MDN1: variants seen among roughly 807,000 people sequenced by gnomAD.
MDN1 encodes the protein midasin AAA ATPase 1.
A neutral mutation model predicts 669.2 loss-of-function variants in MDN1; 266 were observed. The ratio of observed to expected loss-of-function variants is 0.40; its 90% confidence interval spans 0.36 to 0.44. MDN1 has a LOEUF of 0.44. Ranked by LOEUF, MDN1 falls within the 20% of genes least tolerant of loss-of-function variation. The pLI is 1.00. For synonymous variants in MDN1, 2,385 were observed against 2,457.1 expected, an observed-to-expected ratio of 0.97 and a Z score of 0.87; for missense variants, 5,940 against 6,754.0, an observed-to-expected ratio of 0.88 and a Z score of 4.22.
chr6:89,650,050 T>A lies in MDN1; in HGVS notation c.16180A>T (p.Ser5394Cys). The A allele has an allele frequency of 6.2e-7, 1 of 1,614,166 alleles. No individual in the cohort carries two copies. The highest frequency in any genetic ancestry group is 8.5e-7 in the Non-Finnish European group (1 of 1,180,030). The change falls in exon 97 of 102, where the codon AGT becomes TGT. Residue 5394 changes from serine to cysteine, a missense_variant. Ser to Cys is a moderately radical substitution (Grantham distance 112). Coordinates refer to ENST00000369393, the MANE Select transcript of MDN1 (RefSeq NM_014611.3). ...QICLAIDDSS[S>C]MVDNHTKQLA... is the part of the protein sequence containing the mutation. ...TGCTTGGTATGATTGTCTACCATAC[T>A]AGAAGAGTCATCGATAGCCAAACAA... is the stretch of plus-strand genomic sequence containing the variant.
In MDN1 at chr6:89,654,298, T is replaced by A. The variant is rs774822730; in HGVS notation, c.15527A>T (p.Asp5176Val). The A allele has an allele frequency of 1.2e-6, 2 of 1,614,188 alleles. No individual in the cohort carries two copies. The highest frequency in any genetic ancestry group is 1.7e-6 in the Non-Finnish European group (2 of 1,180,030). The change falls in exon 93 of 102, where the codon GAC becomes GTC. Residue 5176 changes from aspartate (D) to valine (V), a missense_variant. Physicochemically the swap from Asp to Val is radical, Grantham distance 152. Transcript: ENST00000369393. ...CTCCTCTTCCTGATCTTTGCCAGAG[T>A]CTTTTGCAGACTGTTGCTGTTCTTT... Reference protein sequence around the residue: ...ASKEQQQSAKDSGKDQEEEEI... With the variant: ...ASKEQQQSAKVSGKDQEEEEI...
At chr6:89,664,422 G>A (rs1348870928) in intron 85 of MDN1, 65 bp downstream of exon 85, 3 of 1,581,762 alleles carry the variant, frequency 1.9e-6, no homozygotes, top group East Asian at 2.2e-5. Flanking sequence ...TTAGGAACAT[G>A]TAATTTCCTG....
At chr6:89,779,319 C>T (rs1354683789) in intron 11 of MDN1, among the ~76,000 whole-genome samples, 1 of 152,086 alleles carries the variant, frequency 6.6e-6, no homozygotes, top group East Asian at 1.9e-4. Flanking sequence ...GTTCTTATTC[C>T]ACCTTTACCG....
rs768013119 is a variant in MDN1 at position 89,729,073 on chromosome 6, G to A, written c.5207C>T (p.Ala1736Val). Reference sequence around the variant, plus strand: ...TTTGGTAGCTCTTAAGAGCCTCTGTGCATTCATAGCAGTGGTCCCTGCACT... The same window carrying A: ...TTTGGTAGCTCTTAAGAGCCTCTGTACATTCATAGCAGTGGTCCCTGCACT... ...ALSAGTTAMN[A>V]QRLLRATKLK... The change falls in exon 36 of 102, where the codon GCA (alanine) becomes GTA (valine). Residue 1736 changes from alanine (A) to valine (V), a missense_variant. Physicochemically the swap from Ala to Val is moderately conservative, Grantham distance 64 (BLOSUM62 0). This residue lies in a region of MDN1 where 2,292 missense variants were observed against 2,638.3 expected (regional missense o/e 0.87). Transcript: ENST00000369393. The A allele has an allele frequency of 1.2e-6, 2 of 1,614,042 alleles. No homozygotes were observed.
Position 89,707,539 on chromosome 6 carries a change from C to T in MDN1, c.7899-63G>A. Reference sequence around the variant, plus strand: ...GGTTAATAACATTTTCAATCATATCCTCTATTTGCTGGAACACTTGGAACA... The same window carrying T: ...GGTTAATAACATTTTCAATCATATCTTCTATTTGCTGGAACACTTGGAACA... On this transcript the variant is annotated intron_variant, in intron 51 of 101. Transcript: ENST00000369393. 2.9e-6 allele frequency: 3 copies of T among 1,045,690 alleles called. No homozygotes were observed. In the South Asian group the frequency reaches 3.8e-5, roughly 13 times the overall value. The allele number at this position is 1,045,690 out of a possible 1,614,324, so 64.8% of individuals were successfully genotyped here.
intron 29 of MDN1, 150 bp from the exon 30 acceptor site, chr6:89,743,864 A>G: frequency 1.3e-6 from 1 of 779,940 alleles, no homozygotes. Flanking sequence ...CCCCAGGCTC[A>G]TGGCACCCCT....
chr6:89,643,110 A>AAAT lies in MDN1; in HGVS notation c.*892_*894dup, dbSNP rs1267822427. The AAAT allele has an allele frequency of 8.5e-5, 13 of 152,244 alleles. 1 individual carries two copies. The highest frequency in any genetic ancestry group is 3.1e-4 in the African/African-American group (13 of 41,460). The allele number at this position is 152,244 out of a possible 1,614,324, so 9.4% of individuals were successfully genotyped here. ...AAGATCAGTTTCTTTCGACTGGAAA[A>AAAT]AATAGATGGAGCTGCTGAGTTCTGG... On this transcript the variant is annotated 3_prime_UTR_variant, in exon 102 of 102. Coordinates refer to ENST00000369393, the MANE Select transcript of MDN1 (RefSeq NM_014611.3).
intron 38 of MDN1, among the ~76,000 whole-genome samples, chr6:89,724,786 C>A (rs1815100835): frequency 6.6e-6 from 1 of 152,146 alleles, no homozygotes; most frequent in East Asian, 1.9e-4. Context: ...TAATGACTGA[C>A]TGGGGAATAG....
rs1167971673 is a variant in MDN1 at position 89,700,639 on chromosome 6, A to G, written c.8638+7T>C. 2 of 1,613,416 alleles carry G rather than the reference A, an allele frequency of 1.2e-6. No homozygotes were observed. The highest frequency in any genetic ancestry group is 1.7e-6 in the Non-Finnish European group (2 of 1,179,370). On this transcript the variant is annotated splice_region_variant and intron_variant, in intron 56 of 101. Coordinates refer to ENST00000369393, the MANE Select transcript of MDN1 (RefSeq NM_014611.3). ...CTGTCAGCTAGCCAAGTGCTAGAAT[A>G]TTTTACCTAGGCTGACATCTTCCAA...
rs1445303594 is a variant in MDN1 at position 89,675,449 on chromosome 6, C to T, written c.12761+15G>A. 4 of 1,605,012 alleles carry T rather than the reference C, an allele frequency of 2.5e-6. No individual in the cohort carries two copies. The South Asian group carries it at 3.3e-5, about 13-fold the overall frequency. The stretch of plus-strand genomic sequence containing the variant: ...TTCCCAATTCATGCCACAAGCCCAA[C>T]TCATCAGCTGATACCTGAGGATGAT... On this transcript the variant is annotated intron_variant, in intron 78 of 101. Coordinates refer to ENST00000369393, the MANE Select transcript of MDN1 (RefSeq NM_014611.3).
intron 2 of MDN1, among the ~76,000 whole-genome samples, chr6:89,801,276 C>A (rs1057299492): frequency 6.6e-6 from 1 of 152,188 alleles, no homozygotes; most frequent in African/African-American, 2.4e-5. Context: ...GTAATCCCAG[C>A]ACTTTGGGAG....
At chr6:89,811,991 T>TA (rs1768448540) in intron 1 of MDN1, among the ~76,000 whole-genome samples, 1 of 149,038 alleles carries the variant, frequency 6.7e-6, no homozygotes, top group African/African-American at 2.5e-5. Flanking sequence ...AGAAAAAACT[T>TA]TTTTTTTTTT....
chr6:89,758,234 C>G, intron 19 of MDN1, 21 bp downstream of exon 19: 2 of 1,580,462 alleles, frequency 1.3e-6, no homozygotes, highest in Non-Finnish European at 1.7e-6. Flanking sequence ...AAAGGAAAGT[C>G]TCCAAGAACC....
chr6:89,686,322 G>A (rs1458807299), intron 69 of MDN1, among the ~76,000 whole-genome samples: 1 of 152,168 alleles, frequency 6.6e-6, no homozygotes, highest in African/African-American at 2.4e-5. Flanking sequence ...CTACTGAGAA[G>A]GCTGAAGTAG....
At chr6:89,654,387 AAAT>A (rs1002948945) in intron 92 of MDN1, 53 bp from the exon 93 acceptor site, 35 of 1,597,472 alleles carry the variant, frequency 2.2e-5, no homozygotes, top group East Asian at 1.1e-4. Context: ...TTGCAGAACA[AAAT>A]AATAATAAGT....
chr6:89,819,650 T>C lies in MDN1; in HGVS notation c.-43A>G. 1 of 1,554,762 alleles carries C rather than the reference T, an allele frequency of 6.4e-7. No homozygotes were observed. The highest frequency in any genetic ancestry group is 8.8e-7 in the Non-Finnish European group (1 of 1,140,194). On this transcript the variant is annotated 5_prime_UTR_variant, in exon 1 of 102. Transcript: ENST00000369393. The stretch of plus-strand genomic sequence containing the variant: ...CCGAGCGGCCACCTGCGCTCCCTAC[T>C]TCGCGGCCAGCGTCCCCAAGCCGCC...
chr6:89,688,495 C>G, intron 66 of MDN1, 78 bp downstream of exon 66: 2 of 1,335,210 alleles, frequency 1.5e-6, no homozygotes, highest in Non-Finnish European at 2.1e-6. Flanking sequence ...AAGTGGGTGC[C>G]CCCAGGGATA....
chr6:89,663,814 C>T (rs1016657541), intron 85 of MDN1, among the ~76,000 whole-genome samples: 10 of 151,340 alleles, frequency 6.6e-5, no homozygotes, highest in South Asian at 6.3e-4. Flanking sequence ...TGGTGGCAGG[C>T]GCCTGTAGTC....
At chr6:89,740,680 T>G (rs1375353733) in intron 31 of MDN1, among the ~76,000 whole-genome samples, 1 of 152,168 alleles carries the variant, frequency 6.6e-6, no homozygotes, top group Non-Finnish European at 1.5e-5. Flanking sequence ...AGCCAACTAC[T>G]AGAAAGAACT....
Sources: gnomAD v4.1 joint callset for allele counts (sites outside exome capture counted in the v4.1 genomes callset) on GRCh38, gnomAD v4.1.1 for gene constraint, gnomAD v4.1.1 regional missense constraint, MANE v1.5 for transcripts, NCBI Gene and HGNC (gene_info 2026-07-23, HGNC 2026-07-21) for gene names.